The following MACROD2 variants were observed in gnomAD, a reference collection of about 807,000 sequenced individuals.
The protein encoded by MACROD2 is mono-ADP ribosylhydrolase 2.
In MACROD2, 36 loss-of-function variants were observed where a neutral mutation model predicts 70.4. The ratio of observed to expected loss-of-function variants is 0.51; its 90% CI spans 0.39 to 0.68. The LOEUF is 0.68. Ranked by LOEUF, MACROD2 falls within the 30% of genes least tolerant of loss-of-function variation. The pLI is 0.00. For missense variants in MACROD2, 496 were observed against 538.4 expected (o/e 0.92, Z 0.78); for synonymous variants, 172 against 178.8 (o/e 0.96, Z 0.30).
At chr20:15,208,415 G>A (rs982974410) in intron 5 of MACROD2, among the ~76,000 whole-genome samples, 9 of 152,082 alleles carry the variant, frequency 5.9e-5, no homozygotes, top group South Asian at 2.1e-4. Context: ...TCTCTTTGTT[G>A]GGTCTGTTGA....
chr20:15,019,624 A>C lies in MACROD2; in HGVS notation c.419-210316A>C, dbSNP rs192669399. On this transcript the variant is annotated intron_variant, in intron 5 of 17. Transcript: ENST00000684519. The stretch of plus-strand genomic sequence containing the variant: ...TCTTTAAACCTTTTCGTTACTTCAT[A>C]GTCCAGATCATACTAACTGTGTCTT... Among the ~76,000 whole-genome samples, 94 of 152,322 alleles carry C rather than the reference A, an allele frequency of 6.2e-4. 1 individual carries two copies. The East Asian group carries it at 0.016, about 26-fold the overall frequency.
intron 6 of MACROD2, among the ~76,000 whole-genome samples, chr20:15,305,462 T>C (rs2077688695): frequency 6.6e-6 from 1 of 152,212 alleles, no homozygotes; most frequent in African/African-American, 2.4e-5. Context: ...TAAATGCTTA[T>C]GCACTGTTTG....
At chr20:15,022,568 C>T (rs548334831) in intron 5 of MACROD2, among the ~76,000 whole-genome samples, 194 of 152,316 alleles carry the variant, frequency 1.3e-3, no homozygotes, top group Non-Finnish European at 2.5e-3. Context: ...CCCATTTAAT[C>T]TTTAAATCAG....
chr20:15,396,608 C>T (rs1038716048), intron 6 of MACROD2, among the ~76,000 whole-genome samples: 1 of 152,198 alleles, frequency 6.6e-6, no homozygotes, highest in Non-Finnish European at 1.5e-5. Context: ...AAAGTAGCTT[C>T]AGACTGCTGG....
chr20:15,500,388 C>T (rs1046745671), intron 8 of MACROD2, among the ~76,000 whole-genome samples: 2 of 152,130 alleles, frequency 1.3e-5, no homozygotes, highest in Admixed American at 6.5e-5. Context: ...TCATCATCCT[C>T]CTATTCTGCT....
chr20:15,380,884 T>C (rs1367813389), intron 6 of MACROD2, among the ~76,000 whole-genome samples: 1 of 152,180 alleles, frequency 6.6e-6, no homozygotes, highest in African/African-American at 2.4e-5. Flanking sequence ...AGCTAGCTAA[T>C]ATAATAAAAA....
At chr20:15,010,299 A>G (rs1407223467) in intron 5 of MACROD2, among the ~76,000 whole-genome samples, 4 of 152,194 alleles carry the variant, frequency 2.6e-5, no homozygotes, top group Non-Finnish European at 5.9e-5. Flanking sequence ...GTAGTTACAC[A>G]TTATTTGAAG....
At chr20:15,049,458 A>G (rs1026095960) in intron 5 of MACROD2, among the ~76,000 whole-genome samples, 7 of 152,132 alleles carry the variant, frequency 4.6e-5, no homozygotes, top group Non-Finnish European at 1.0e-4. Context: ...TTATTTTTCA[A>G]GAGAAGTAAA....
At chr20:14,991,021 A>C (rs573141978) in intron 5 of MACROD2, among the ~76,000 whole-genome samples, 1 of 152,098 alleles carries the variant, frequency 6.6e-6, no homozygotes, top group Non-Finnish European at 1.5e-5. Flanking sequence ...CTCTTTTTCA[A>C]CATTTATTTA....
chr20:15,969,392 A>G (rs1437373577), intron 13 of MACROD2, among the ~76,000 whole-genome samples: 2 of 152,222 alleles, frequency 1.3e-5, no homozygotes, highest in Non-Finnish European at 2.9e-5. Context: ...ATATGAGCTG[A>G]AAATATTAGT....
At chr20:15,635,678 G>C (rs2049353086) in intron 8 of MACROD2, among the ~76,000 whole-genome samples, 1 of 152,144 alleles carries the variant, frequency 6.6e-6, no homozygotes, top group African/African-American at 2.4e-5. Context: ...CTAAGCCTCA[G>C]CATCCTGCAA....
chr20:15,024,699 A>G (rs953525582), intron 5 of MACROD2, among the ~76,000 whole-genome samples: 1 of 152,168 alleles, frequency 6.6e-6, no homozygotes, highest in Non-Finnish European at 1.5e-5. Context: ...TTATAATTCT[A>G]TACCTATCCT....
intron 8 of MACROD2, among the ~76,000 whole-genome samples, chr20:15,618,295 A>T (rs2049069982): frequency 6.6e-6 from 1 of 152,048 alleles, no homozygotes; most frequent in Non-Finnish European, 1.5e-5. Flanking sequence ...GAACCAGAGG[A>T]GCTGTTTGCA....
At chr20:15,544,562 C>T (rs2048002054) in intron 8 of MACROD2, among the ~76,000 whole-genome samples, 1 of 152,092 alleles carries the variant, frequency 6.6e-6, no homozygotes, top group Non-Finnish European at 1.5e-5. Flanking sequence ...AGACTTGTGT[C>T]CAAGAATCTC....
intron 16 of MACROD2, among the ~76,000 whole-genome samples, chr20:16,042,340 T>G (rs904348186): frequency 6.6e-6 from 1 of 152,022 alleles, no homozygotes; most frequent in Admixed American, 6.6e-5. Flanking sequence ...CTGCTTCAGC[T>G]TGGTTGTGAT....
At chr20:14,388,202 C>T (rs1271869699) in intron 3 of MACROD2, among the ~76,000 whole-genome samples, 1 of 151,866 alleles carries the variant, frequency 6.6e-6, no homozygotes, top group Non-Finnish European at 1.5e-5. Context: ...TTAGTAGAGA[C>T]AGGGTTTCAC....
intron 4 of MACROD2, among the ~76,000 whole-genome samples, chr20:14,607,710 A>G (rs1982896850): frequency 6.6e-6 from 1 of 152,224 alleles, no homozygotes; most frequent in African/African-American, 2.4e-5. Flanking sequence ...CATGACGGTC[A>G]GGCTAGAATG....
intron 6 of MACROD2, among the ~76,000 whole-genome samples, chr20:15,270,697 G>A (rs149559705): frequency 1.3e-5 from 2 of 152,158 alleles, no homozygotes; most frequent in African/African-American, 2.4e-5. Context: ...TCTGTCATCA[G>A]TTCTGTCTTT....
intron 8 of MACROD2, among the ~76,000 whole-genome samples, chr20:15,585,495 C>A (rs185359226): frequency 1.2e-4 from 18 of 152,276 alleles, no homozygotes; most frequent in African/African-American, 4.3e-4. Context: ...CATGCCCGGC[C>A]TGGAGCGTCC....
Sources: gnomAD v4.1 joint callset for allele counts (sites outside exome capture counted in the v4.1 genomes callset) on GRCh38, gnomAD v4.1.1 for gene constraint, MANE v1.5 for transcripts, NCBI Gene and HGNC (gene_info 2026-07-23, HGNC 2026-07-21) for gene names.